MGME1: variants seen among roughly 807,000 people sequenced by gnomAD.
The protein encoded by MGME1 is chromosome 20 open reading frame 72.
In MGME1, 22 loss-of-function variants were observed where a neutral mutation model predicts 33.0. That is an observed-to-expected ratio of 0.67 (90% CI 0.48 to 0.95). The LOEUF (loss-of-function observed/expected upper bound fraction) is 0.95, where lower values mean the gene tolerates loss of function less well. Ranked by LOEUF, MGME1 falls within the 40% of genes least tolerant of loss-of-function variation. The probability of loss-of-function intolerance (pLI) is 0.00; values close to 1 mark genes in which losing one functional copy is unlikely to be tolerated. For synonymous variants in MGME1, 133 were observed against 144.0 expected (o/e 0.92, Z 0.55); for missense variants, 383 against 397.8 (o/e 0.96, Z 0.32).
intron 3 of MGME1, among the ~76,000 whole-genome samples, chr20:17,987,420 C>CA (rs1316902693): frequency 6.6e-6 from 1 of 151,570 alleles, no homozygotes; most frequent in East Asian, 1.9e-4. Flanking sequence ...TGACTTTGTA[C>CA]AAAAAAGAAT....
chr20:17,975,947 T>C (rs778322288), intron 3 of MGME1, 44 bp downstream of exon 3: 3 of 1,465,572 alleles, frequency 2.0e-6, no homozygotes, highest in African/African-American at 2.8e-5. Context: ...GTAGGACAGA[T>C]GGTGCCTGTC....
intron 3 of MGME1, among the ~76,000 whole-genome samples, chr20:17,978,652 A>G (rs566103961): frequency 1.3e-5 from 2 of 152,298 alleles, no homozygotes; most frequent in East Asian, 3.9e-4. Flanking sequence ...GAAGTTCCTG[A>G]CACCCAATGC....
In MGME1 at chr20:17,975,853, A is replaced by G. The variant is rs748544787; in HGVS notation, c.681A>G (p.Gln227=). The change falls in exon 3 of 5, where the codon CAA becomes CAG. Residue 227 remains glutamine, a synonymous_variant. Transcript: ENST00000377710. ...SGVRALESAV[Q]HETLNYIGLL... The stretch of plus-strand genomic sequence containing the variant: ...TGCGAGCTCTTGAAAGTGCTGTTCA[A>G]CATGAAACCTTAAACTATATAGGTC... 8.7e-6 allele frequency: 14 copies of G among 1,614,074 alleles called. No individual in the cohort carries two copies. In the East Asian group the frequency reaches 8.9e-5, roughly 10 times the overall value.
At chr20:17,972,424 G>C (rs1414377538) in intron 2 of MGME1, among the ~76,000 whole-genome samples, 1 of 142,002 alleles carries the variant, frequency 7.0e-6, no homozygotes, top group African/African-American at 2.6e-5. Context: ...AAGGGATGGG[G>C]TTTAGGTTTT....
chr20:17,990,063 A>G lies in MGME1; in HGVS notation c.989A>G (p.Glu330Gly), dbSNP rs772078693. Residue 330 changes from glutamate to glycine, a missense_variant, in exon 5 of 5, where the codon GAA becomes GGA. Transcript: ENST00000377710. ...KWLLRLEEYT[E>G]KKKNQNIQKP... ...CTTCTTCGACTAGAAGAATATACGG[A>G]AAAGAAAAAGAACCAGAATATTCAG... 1 of 1,614,090 alleles carries G rather than the reference A, an allele frequency of 6.2e-7. No homozygotes were observed.
chr20:17,971,165 C>G (rs998752073), intron 2 of MGME1, among the ~76,000 whole-genome samples: 3 of 152,338 alleles, frequency 2.0e-5, no homozygotes, highest in Admixed American at 6.5e-5. Flanking sequence ...GCCTGGGCTT[C>G]TATTTAAGTC....
chr20:17,982,240 A>AT (rs2036041676), intron 3 of MGME1, among the ~76,000 whole-genome samples: 1 of 151,748 alleles, frequency 6.6e-6, no homozygotes, highest in Admixed American at 6.6e-5. Context: ...CCTGTCTTGT[A>AT]CTCCCAAGTG....
At chr20:17,977,009 C>T (rs1347940877) in intron 3 of MGME1, among the ~76,000 whole-genome samples, 1 of 151,968 alleles carries the variant, frequency 6.6e-6, no homozygotes, top group Non-Finnish European at 1.5e-5. Context: ...TCAGGTACTT[C>T]AGAGTCCAAG....
chr20:17,976,429 T>G (rs1250177805), intron 3 of MGME1, among the ~76,000 whole-genome samples: 1 of 152,000 alleles, frequency 6.6e-6, no homozygotes, highest in Non-Finnish European at 1.5e-5. Flanking sequence ...TGGCCGAGAT[T>G]TTTCAATCTC....
At chr20:17,984,092 G>T (rs1450198197) in intron 3 of MGME1, among the ~76,000 whole-genome samples, 1 of 151,978 alleles carries the variant, frequency 6.6e-6, no homozygotes, top group African/African-American at 2.4e-5. Flanking sequence ...TTTTGTATGT[G>T]GTATGAGATA....
In MGME1 at chr20:17,988,221, C is replaced by A; in HGVS notation, c.787C>A (p.Gln263Lys). Residue 263 changes from glutamine to lysine, a missense_variant, in exon 4 of 5, where the codon CAA (glutamine) becomes AAA (lysine). Gln to Lys is a moderately conservative substitution (Grantham distance 53, BLOSUM62 1). Transcript: ENST00000377710. ...ATCAGAGAAACCAAAGCCTTTTATT[C>A]AAAGTACATTTGACAACCCACTGCA... ...KTSEKPKPFI[Q>K]STFDNPLQVV... is the part of the protein sequence containing the mutation. 1 of 1,614,070 alleles carries A rather than the reference C, an allele frequency of 6.2e-7. No individual in the cohort carries two copies. The highest frequency in any genetic ancestry group is 8.5e-7 in the Non-Finnish European group (1 of 1,179,968).
At position 17,990,562 on chromosome 20, in the gene MGME1, C is replaced by A; in HGVS notation, c.*453C>A. 1 of 179,164 alleles carries A rather than the reference C, an allele frequency of 5.6e-6. No individual in the cohort carries two copies. Among genetic ancestry groups the A allele is most frequent in the Non-Finnish European group, 1.2e-5 (1 of 85,854 alleles). The allele number at this position is 179,164 out of a possible 1,614,324, so 11.1% of individuals were successfully genotyped here. A position where few individuals can be genotyped will look rare whatever the true frequency, so the allele number is the denominator to read the frequency against. ...GCTGTGTGCAGGGAGGACACATCAG[C>A]CCACTACCGCTGCCAACACCAATGC... On this transcript the variant is annotated 3_prime_UTR_variant, in exon 5 of 5. Coordinates refer to ENST00000377710, the MANE Select transcript of MGME1 (RefSeq NM_052865.4).
chr20:17,989,412 TAAATA>T (rs1164349294), intron 4 of MGME1, among the ~76,000 whole-genome samples: 1 of 147,738 alleles, frequency 6.8e-6, no homozygotes, highest in Non-Finnish European at 1.5e-5. Context: ...AATAAATAAA[TAAATA>T]AATAGCACTT....
intron 3 of MGME1, among the ~76,000 whole-genome samples, chr20:17,983,267 TTGTGTGTGTGTGTGTGTGTGTG>T (rs1555791107): frequency 7.0e-6 from 1 of 142,578 alleles, no homozygotes; most frequent in Non-Finnish European, 1.5e-5. Context: ...TAGTGTTCTA[TTGTGTGTGTGTGTGTGTGTGTG>T]TGTGTGTGTG....
At chr20:17,970,488 C>T in intron 2 of MGME1, 118 bp downstream of exon 2, 1 of 983,290 alleles carries the variant, frequency 1.0e-6, no homozygotes. Flanking sequence ...GAACTCCCTT[C>T]AGATAGTAAT....
chr20:17,972,395 T>G (rs1265708026), intron 2 of MGME1, among the ~76,000 whole-genome samples: 4 of 152,038 alleles, frequency 2.6e-5, no homozygotes, highest in African/African-American at 9.7e-5. Flanking sequence ...GATTTATATT[T>G]TGTGTATAAA....
intron 3 of MGME1, among the ~76,000 whole-genome samples, chr20:17,978,759 T>G (rs1466563611): frequency 6.6e-6 from 1 of 152,094 alleles, no homozygotes; most frequent in African/African-American, 2.4e-5. Context: ...TTTTTGAAAC[T>G]ACGGTTTTTT....
In MGME1 at chr20:17,990,029, A is replaced by C. The variant is rs746888069; in HGVS notation, c.955A>C (p.Thr319Pro). 2.5e-6 allele frequency: 4 copies of C among 1,614,158 alleles called. No homozygotes were observed. The highest frequency in any genetic ancestry group is 3.4e-6 in the Non-Finnish European group (4 of 1,179,996). The change falls in exon 5 of 5, where the codon ACC (threonine) becomes CCC (proline). Residue 319 changes from threonine to proline, a missense_variant. By Grantham distance (38) the Thr-to-Pro change is conservative. Transcript: ENST00000377710. Reference protein sequence around the residue: ...MDAELCSQYWTKWLLRLEEYT... With the variant: ...MDAELCSQYWPKWLLRLEEYT... ...TGCAGAGCTCTGTTCCCAGTACTGG[A>C]CCAAGTGGCTTCTTCGACTAGAAGA...
chr20:17,974,480 G>A lies in MGME1; in HGVS notation c.512-1204G>A, dbSNP rs536435893. ...AAAATCAAGTTAGATCCTGGGATAC[G>A]CCAACAAATCCAGACACTACAGTTC... On this transcript the variant is annotated intron_variant, in intron 2 of 4. Transcript: ENST00000377710. 3.3e-5 allele frequency among the ~76,000 whole-genome samples: 5 copies of A among 152,248 alleles called. No individual in the cohort carries two copies. In the East Asian group the frequency reaches 9.6e-4, roughly 29 times the overall value.
Sources: gnomAD v4.1 joint callset for allele counts (sites outside exome capture counted in the v4.1 genomes callset) on GRCh38, gnomAD v4.1.1 for gene constraint, MANE v1.5 for transcripts, NCBI Gene and HGNC (gene_info 2026-07-23, HGNC 2026-07-21) for gene names.